The following SYT1 variants were observed in gnomAD, a reference collection of about 807,000 sequenced individuals.
The protein encoded by SYT1 is synaptotagmin-1.
In SYT1, 8 loss-of-function variants were observed where a neutral mutation model predicts 44.8. The observed-to-expected ratio is 0.18, with a 90% CI of 0.10 to 0.32. The LOEUF (loss-of-function observed/expected upper bound fraction) is 0.32, where lower values mean the gene tolerates loss of function less well. Among genes scored for constraint, SYT1 ranks in the 10% least tolerant of loss-of-function variants. The pLI is 1.00. For missense variants in SYT1, 286 were observed against 509.3 expected (o/e 0.56, Z 4.22); for synonymous variants, 154 against 188.8 (o/e 0.82, Z 1.51).
chr12:79,240,366 T>G lies in SYT1; in HGVS notation c.166+22681T>G, dbSNP rs138144387. On this transcript the variant is annotated intron_variant, in intron 4 of 10. Transcript: ENST00000261205. Reference sequence around the variant, plus strand: ...TTTTCTTCTCTCCTTCTTTTTGGTGTCATTCCATTATAGCCACTAAAATAG... The same window carrying G: ...TTTTCTTCTCTCCTTCTTTTTGGTGGCATTCCATTATAGCCACTAAAATAG... Among the ~76,000 whole-genome samples the G allele has an allele frequency of 4.4e-3, 670 of 152,350 alleles. 1 individual carries two copies. Among genetic ancestry groups the G allele is most frequent in the African/African-American group, 0.015 (637 of 41,578 alleles).
At chr12:79,010,604 TA>T (rs1412410844) in intron 2 of SYT1, among the ~76,000 whole-genome samples, 1 of 152,166 alleles carries the variant, frequency 6.6e-6, no homozygotes, top group Non-Finnish European at 1.5e-5. Flanking sequence ...ATTCCTGATT[TA>T]AAATTTCAAT....
chr12:79,216,834 T>A (rs1422572058), intron 3 of SYT1, among the ~76,000 whole-genome samples: 4 of 152,158 alleles, frequency 2.6e-5, no homozygotes, highest in African/African-American at 9.7e-5. Flanking sequence ...TAGTCAACCA[T>A]GCCACATTTA....
At chr12:79,137,765 C>A (rs932678845) in intron 3 of SYT1, among the ~76,000 whole-genome samples, 1 of 152,028 alleles carries the variant, frequency 6.6e-6, no homozygotes, top group Non-Finnish European at 1.5e-5. Flanking sequence ...TTCTATAATG[C>A]ATTTCTTTAC....
intron 5 of SYT1, among the ~76,000 whole-genome samples, chr12:79,287,809 G>A (rs1879384929): frequency 6.6e-6 from 1 of 152,072 alleles, no homozygotes; most frequent in Non-Finnish European, 1.5e-5. Context: ...GAGAATTAAT[G>A]GGGGTTAATT....
At chr12:79,188,852 A>T (rs1347534443) in intron 3 of SYT1, among the ~76,000 whole-genome samples, 1 of 152,092 alleles carries the variant, frequency 6.6e-6, no homozygotes, top group Non-Finnish European at 1.5e-5. Flanking sequence ...TGTCTAGGAG[A>T]TGTAACTGGA....
At chr12:78,883,138 C>T (rs959072679) in intron 1 of SYT1, among the ~76,000 whole-genome samples, 6 of 151,570 alleles carry the variant, frequency 4.0e-5, no homozygotes, top group East Asian at 1.9e-4. Flanking sequence ...GTAATTTCTT[C>T]GAACAGTAAT....
At chr12:78,990,509 C>A (rs976882215) in intron 2 of SYT1, among the ~76,000 whole-genome samples, 4 of 152,072 alleles carry the variant, frequency 2.6e-5, no homozygotes, top group African/African-American at 7.2e-5. Flanking sequence ...AAAGACAATG[C>A]GAGTTGATAT....
At chr12:78,979,033 G>A (rs1366964100) in intron 2 of SYT1, among the ~76,000 whole-genome samples, 2 of 152,150 alleles carry the variant, frequency 1.3e-5, no homozygotes, top group East Asian at 3.8e-4. Context: ...AGATACCACA[G>A]TGTAGGATCA....
chr12:79,167,430 G>A (rs1426363800), intron 3 of SYT1, among the ~76,000 whole-genome samples: 1 of 151,992 alleles, frequency 6.6e-6, no homozygotes, highest in Non-Finnish European at 1.5e-5. Context: ...GTGTGTGCTT[G>A]TGTGTAGTGG....
intron 8 of SYT1, among the ~76,000 whole-genome samples, chr12:79,328,149 G>A (rs961608732): frequency 1.3e-5 from 2 of 152,202 alleles, no homozygotes; most frequent in African/African-American, 2.4e-5. Context: ...CGATATGGCT[G>A]TGAAGACAGA....
At chr12:79,140,731 A>G (rs1388109408) in intron 3 of SYT1, among the ~76,000 whole-genome samples, 4 of 152,172 alleles carry the variant, frequency 2.6e-5, no homozygotes, top group Non-Finnish European at 5.9e-5. Context: ...AAGTTTGGAA[A>G]TCATTGCTTT....
chr12:79,341,660 C>CTTTTTTT (rs34759181), intron 8 of SYT1, among the ~76,000 whole-genome samples: 1 of 63,042 alleles, frequency 1.6e-5, no homozygotes, highest in Non-Finnish European at 2.8e-5. Flanking sequence ...TACATTCATT[C>CTTTTTTT]TTTTTTTTTT....
intron 4 of SYT1, among the ~76,000 whole-genome samples, chr12:79,276,794 T>C (rs558586508): frequency 6.6e-6 from 1 of 151,846 alleles, no homozygotes; most frequent in East Asian, 1.9e-4. Context: ...AATTAAGAGC[T>C]TGAAGATGAG....
intron 3 of SYT1, among the ~76,000 whole-genome samples, chr12:79,184,837 T>C (rs777532160): frequency 1.3e-5 from 2 of 152,082 alleles, no homozygotes; most frequent in Non-Finnish European, 2.9e-5. Flanking sequence ...TTTATTAACA[T>C]GCACGCTCTG....
At chr12:79,038,184 CACACATATATAT>C (rs1284190287) in intron 2 of SYT1, among the ~76,000 whole-genome samples, 9 of 150,784 alleles carry the variant, frequency 6.0e-5, no homozygotes, top group African/African-American at 7.3e-5. Flanking sequence ...TATATACACA[CACACATATATAT>C]ACACATATAT....
At chr12:79,180,030 G>C (rs1872424545) in intron 3 of SYT1, among the ~76,000 whole-genome samples, 1 of 151,890 alleles carries the variant, frequency 6.6e-6, no homozygotes, top group Non-Finnish European at 1.5e-5. Flanking sequence ...CTTTGTGCAT[G>C]TTATTTTATA....
At chr12:79,339,039 G>A (rs1882232402) in intron 8 of SYT1, among the ~76,000 whole-genome samples, 1 of 152,138 alleles carries the variant, frequency 6.6e-6, no homozygotes, top group Non-Finnish European at 1.5e-5. Context: ...TGGTGTATAT[G>A]TGCCGCATTT....
intron 4 of SYT1, among the ~76,000 whole-genome samples, chr12:79,257,396 CACTTTTGGTGCAGA>C (rs1342141448): frequency 6.6e-6 from 1 of 152,234 alleles, no homozygotes; most frequent in East Asian, 1.9e-4. Flanking sequence ...AGTGAGGTCA[CACTTTTGGTGCAGA>C]ACAAAAAGAA....
At chr12:79,350,064 A>C (rs1418301459) in intron 8 of SYT1, among the ~76,000 whole-genome samples, 88 of 152,056 alleles carry the variant, frequency 5.8e-4, no homozygotes, top group Non-Finnish European at 8.8e-5. Context: ...TCGTACTGGC[A>C]TGAGTCTTTA....
Sources: gnomAD v4.1 joint callset for allele counts (sites outside exome capture counted in the v4.1 genomes callset) on GRCh38, gnomAD v4.1.1 for gene constraint, MANE v1.5 for transcripts, NCBI Gene and HGNC (gene_info 2026-07-23, HGNC 2026-07-21) for gene names.